The following HACL1 variants were observed in gnomAD, a reference collection of about 807,000 sequenced individuals.
The protein encoded by HACL1 is 1600020H07Rik.
A neutral mutation model predicts 74.2 loss-of-function variants in HACL1; 64 were observed. The observed-to-expected ratio is 0.86, with a 90% CI of 0.70 to 1.06. The LOEUF is 1.06. HACL1 is among the 50% of genes least tolerant of loss of function. The pLI is 0.00. For synonymous variants in HACL1, 230 were observed against 238.8 expected, an observed-to-expected ratio of 0.96 and a Z score of 0.34; for missense variants, 728 against 719.7, an observed-to-expected ratio of 1.01 and a Z score of -0.13.
rs1359944240 is a variant in HACL1, at chr3:15,564,592, A to G, written c.1476T>C (p.Asp492=). The G allele has an allele frequency of 6.4e-7, 1 of 1,567,590 alleles. No homozygotes were observed. Among genetic ancestry groups the G allele is most frequent in the South Asian group, 1.1e-5 (1 of 88,950 alleles). ...GAAATTTTAACATTTCTTTCCAAGT[A>G]TCTGTATCAAAACCTTGGTAAATTC... ...NNGIYQGFDT[D]TWKEMLKFQD... is the part of the protein sequence containing the mutation. Residue 492 remains aspartate (D), a synonymous_variant, in exon 15 of 17, where the codon GAT becomes GAC. Transcript: ENST00000321169.
Position 15,575,019 on chromosome 3 carries a change from A to G in HACL1, c.867T>C (p.Phe289=). 6.3e-7 allele frequency: 1 copy of G among 1,596,736 alleles called. No homozygotes were observed. The highest frequency in any genetic ancestry group is 8.6e-7 in the Non-Finnish European group (1 of 1,165,024). ...CTGGCTGATATCTTGGAGGCAGTCCAAAATGTAAAATCCAATTTAGTCTGG... is the reference window on the plus strand; with the variant it reads ...CTGGCTGATATCTTGGAGGCAGTCCGAAATGTAAAATCCAATTTAGTCTGG... ...FGARLNWILH[F]GLPPRYQPDV... is the part of the protein sequence containing the mutation. The change falls in exon 10 of 17, where the codon TTT becomes TTC. Residue 289 remains phenylalanine (F), a synonymous_variant. Coordinates refer to ENST00000321169, the MANE Select transcript of HACL1 (RefSeq NM_012260.4).
At chr3:15,560,942 T>G (rs775280459) in intron 16 of HACL1, 45 bp from the exon 17 acceptor site, 3 of 1,369,456 alleles carry the variant, frequency 2.2e-6, no homozygotes, top group East Asian at 4.6e-5. Flanking sequence ...GAAATGATTG[T>G]CTCAAATTAT....
intron 11 of HACL1, among the ~76,000 whole-genome samples, chr3:15,572,537 A>G (rs2063552551): frequency 6.6e-6 from 1 of 152,120 alleles, no homozygotes; most frequent in Non-Finnish European, 1.5e-5. Context: ...ATAACCACGG[A>G]CTCCTATGGT....
intron 3 of HACL1, among the ~76,000 whole-genome samples, chr3:15,592,499 C>T (rs1486782563): frequency 1.4e-5 from 2 of 144,722 alleles, no homozygotes; most frequent in African/African-American, 5.7e-5. Context: ...TATACATATA[C>T]ACTTGTATAT....
Position 15,589,576 on chromosome 3 carries a change from G to A in HACL1, c.345C>T (p.Asn115=), listed in dbSNP as rs753583881. The A allele has an allele frequency of 2.5e-6, 4 of 1,610,884 alleles. No individual in the cohort carries two copies. The highest frequency in any genetic ancestry group is 2.2e-5 in the South Asian group (2 of 90,980). The change falls in exon 5 of 17, where the codon AAC becomes AAT. Residue 115 remains asparagine (N), a synonymous_variant. Coordinates refer to ENST00000321169, the MANE Select transcript of HACL1 (RefSeq NM_012260.4). ...CCTGGAAAGCTCCCATTGTTTCTTG[G>A]TTTCTTTCAGAGGAACCACCAATCA... ...LLVIGGSSER[N]QETMGAFQEF... is the part of the protein sequence containing the mutation.
At chr3:15,583,063 G>C in intron 7 of HACL1, 74 bp from the exon 8 acceptor site, 1 of 698,506 alleles carries the variant, frequency 1.4e-6, no homozygotes, top group Non-Finnish European at 2.5e-6. Flanking sequence ...CAAATATATA[G>C]AAAGGTAGAA....
At chr3:15,581,564 G>C (rs6794169) in intron 8 of HACL1, among the ~76,000 whole-genome samples, 3 of 152,100 alleles carry the variant, frequency 2.0e-5, no homozygotes, top group Non-Finnish European at 4.4e-5. Flanking sequence ...TGTACACTCA[G>C]TTCTCTCTTC....
At chr3:15,581,161 CAA>C (rs2063710828) in intron 8 of HACL1, among the ~76,000 whole-genome samples, 1 of 152,226 alleles carries the variant, frequency 6.6e-6, no homozygotes, top group Admixed American at 6.5e-5. Context: ...CTCGGCCTCC[CAA>C]AGTGTTGGGA....
At position 15,565,112 on chromosome 3, in the gene HACL1, C is replaced by G. The variant is rs373805851; in HGVS notation, c.1410-454G>C. Among the ~76,000 whole-genome samples the G allele has an allele frequency of 3.0e-4, 46 of 151,294 alleles. 1 individual carries two copies. Among genetic ancestry groups the G allele is most frequent in the Admixed American group, 1.1e-3 (16 of 15,142 alleles). On this transcript the variant is annotated intron_variant, in intron 14 of 16. Transcript: ENST00000321169. ...CCCGGGAGGCGGAGGTTGCAGTGAG[C>G]AGAGATCACACCACTGCACTCCAGC...
chr3:15,592,435 G>GACACACGTATACATAC (rs1238199611), intron 3 of HACL1, among the ~76,000 whole-genome samples: 8 of 140,372 alleles, frequency 5.7e-5, no homozygotes, highest in Non-Finnish European at 9.6e-5. Flanking sequence ...TATGCATGTA[G>GACACACGTATACATAC]ACACACGTAT....
Position 15,575,050 on chromosome 3 carries a change from A to T in HACL1, c.836T>A (p.Phe279Tyr), listed in dbSNP as rs776718184. The change falls in exon 10 of 17, where the codon TTT becomes TAT. Residue 279 changes from phenylalanine to tyrosine, a missense_variant. By Grantham distance (22) the Phe-to-Tyr change is conservative. Transcript: ENST00000321169. ...ALQFADVIVLFGARLNWILHF... is the reference protein window; with the variant it reads ...ALQFADVIVLYGARLNWILHF... ...TAAAATCCAATTTAGTCTGGCACCA[A>T]ATAACACAATTACATCAGCAAATTG... 14 of 1,590,736 alleles carry T rather than the reference A, an allele frequency of 8.8e-6. No homozygotes were observed. The highest frequency in any genetic ancestry group is 9.5e-6 in the Non-Finnish European group (11 of 1,159,808).
Position 15,598,640 on chromosome 3 carries a change from C to G in HACL1, c.187-2216G>C, listed in dbSNP as rs546502551. On this transcript the variant is annotated intron_variant, in intron 2 of 16. Transcript: ENST00000321169. The stretch of plus-strand genomic sequence containing the variant: ...TGCTGACAATCTGCCTACTTGCTGG[C>G]CAATTGGTCAGTATGTCTTGATTAC... Among the ~76,000 whole-genome samples the G allele has an allele frequency of 1.6e-4, 25 of 152,300 alleles. No homozygotes were observed. In the Middle Eastern group the frequency reaches 0.01, roughly 62 times the overall value.
chr3:15,574,856 T>C, intron 10 of HACL1, 121 bp downstream of exon 10: 1 of 492,644 alleles, frequency 2.0e-6, no homozygotes, highest in African/African-American at 1.9e-5. Context: ...AAAATTCTAC[T>C]TGTGTAAAAA....
chr3:15,569,265 ACACAAG>A (rs2063482821), intron 12 of HACL1, among the ~76,000 whole-genome samples: 3 of 152,168 alleles, frequency 2.0e-5, no homozygotes, highest in Non-Finnish European at 2.9e-5. Flanking sequence ...TGGAGATTAT[ACACAAG>A]GTAAAGAGGG....
intron 9 of HACL1, among the ~76,000 whole-genome samples, chr3:15,578,647 A>T (rs1219207769): frequency 1.3e-5 from 2 of 152,010 alleles, no homozygotes; most frequent in African/African-American, 4.8e-5. Context: ...TTTTTTCTTT[A>T]TCTCCAAGCT....
Position 15,571,755 on chromosome 3 carries a change from A to G in HACL1, c.1008T>C (p.Leu336=). Residue 336 remains leucine (L), a synonymous_variant, in exon 12 of 17, where the codon CTT becomes CTC. Transcript: ENST00000321169. Reference sequence around the variant, plus strand: ...GAGGATACTGCCATGGTGTTTTATCAAGTTCCTCTAAAAGCTTAAAAAAAA... The same window carrying G: ...GAGGATACTGCCATGGTGTTTTATCGAGTTCCTCTAAAAGCTTAAAAAAAA... ...HAVTKQLLEE[L]DKTPWQYPPE... 1 of 1,392,912 alleles carries G rather than the reference A, an allele frequency of 7.2e-7. No individual in the cohort carries two copies. The allele number at this position is 1,392,912 out of a possible 1,614,324, so 86.3% of individuals were successfully genotyped here.
chr3:15,561,518 G>A (rs553280703), intron 16 of HACL1, among the ~76,000 whole-genome samples: 3 of 152,272 alleles, frequency 2.0e-5, no homozygotes, highest in South Asian at 2.1e-4. Flanking sequence ...AGAGGAAGAC[G>A]AGAACTCATA....
chr3:15,565,855 T>C (rs905887522), intron 14 of HACL1, among the ~76,000 whole-genome samples: 3 of 152,194 alleles, frequency 2.0e-5, no homozygotes, highest in Non-Finnish European at 4.4e-5. Flanking sequence ...GGAAAAAAAA[T>C]TGGATCTGTA....
chr3:15,579,833 G>A (rs945782430), intron 9 of HACL1, 77 bp downstream of exon 9: 9 of 1,005,078 alleles, frequency 9.0e-6, no homozygotes, highest in African/African-American at 1.7e-5. Context: ...CTCCATCCTA[G>A]ATGAAGATCA....
Sources: gnomAD v4.1 joint callset for allele counts (sites outside exome capture counted in the v4.1 genomes callset) on GRCh38, gnomAD v4.1.1 for gene constraint, MANE v1.5 for transcripts, NCBI Gene and HGNC (gene_info 2026-07-23, HGNC 2026-07-21) for gene names.